The following SH3D19 variants were observed in gnomAD, a reference collection of about 807,000 sequenced individuals.
SH3D19 encodes the protein SH3 domain containing 19.
In SH3D19, 58 loss-of-function variants were observed where a neutral mutation model predicts 112.1. That is an observed-to-expected ratio of 0.52 (90% CI 0.42 to 0.64). The LOEUF (loss-of-function observed/expected upper bound fraction) is 0.64. SH3D19 is among the 30% of genes least tolerant of loss of function. SH3D19 has a pLI of 0.00. For synonymous variants in SH3D19, 391 were observed against 448.5 expected, an observed-to-expected ratio of 0.87 and a Z score of 1.62; for missense variants, 1,090 against 1,263.4, an observed-to-expected ratio of 0.86 and a Z score of 2.08.
intron 1 of SH3D19, among the ~76,000 whole-genome samples, chr4:151,318,803 A>ACAGC: frequency 6.6e-6 from 1 of 152,348 alleles, no homozygotes; most frequent in South Asian, 2.1e-4. Flanking sequence ...CCAAGGTCAC[A>ACAGC]CAGCCAGTGG....
chr4:151,159,454 A>G, intron 8 of SH3D19, 102 bp from the exon 9 acceptor site: 1 of 692,262 alleles, frequency 1.4e-6, no homozygotes, highest in Non-Finnish European at 2.4e-6. Context: ...CTATCATAAA[A>G]GATACACACA....
chr4:151,167,119 G>A (rs1473437173), intron 7 of SH3D19, among the ~76,000 whole-genome samples: 1 of 151,282 alleles, frequency 6.6e-6, no homozygotes, highest in East Asian at 1.9e-4. Flanking sequence ...CAGTGAGTGA[G>A]GCTAGTCTTA....
At chr4:151,275,866 G>A (rs1258844283) in intron 1 of SH3D19, among the ~76,000 whole-genome samples, 2 of 132,976 alleles carry the variant, frequency 1.5e-5, no homozygotes, top group African/African-American at 5.3e-5. Flanking sequence ...TTTTTTAGAC[G>A]GAGTCTCGCT....
At chr4:151,179,318 G>C in intron 4 of SH3D19, 37 bp downstream of exon 4, 1 of 1,134,892 alleles carries the variant, frequency 8.8e-7, no homozygotes, top group Non-Finnish European at 1.1e-6. Context: ...TCAATTATTA[G>C]TCTAATATAT....
intron 1 of SH3D19, among the ~76,000 whole-genome samples, chr4:151,232,264 C>A (rs1769670821): frequency 6.6e-6 from 1 of 152,218 alleles, no homozygotes; most frequent in South Asian, 2.1e-4. Context: ...TTTTTACCCT[C>A]ATTTTAGGTT....
chr4:151,297,589 T>C (rs1197895980), intron 1 of SH3D19, among the ~76,000 whole-genome samples: 3 of 152,094 alleles, frequency 2.0e-5, no homozygotes, highest in Non-Finnish European at 4.4e-5. Flanking sequence ...TGGATGTAGA[T>C]GGTAGAAGGA....
chr4:151,233,361 C>T (rs1414397003), intron 1 of SH3D19, among the ~76,000 whole-genome samples: 1 of 152,114 alleles, frequency 6.6e-6, no homozygotes, highest in African/African-American at 2.4e-5. Context: ...TGAGACCAGC[C>T]CCTGGTGCCA....
chr4:151,229,871 C>T (rs1365384845), intron 1 of SH3D19, among the ~76,000 whole-genome samples: 1 of 152,124 alleles, frequency 6.6e-6, no homozygotes, highest in Non-Finnish European at 1.5e-5. Flanking sequence ...GCCAAAATCA[C>T]GCCACTGCAT....
intron 2 of SH3D19, among the ~76,000 whole-genome samples, chr4:151,195,642 T>C (rs1478143771): frequency 6.6e-6 from 1 of 151,572 alleles, no homozygotes; most frequent in African/African-American, 2.4e-5. Flanking sequence ...ATCAGAGAGG[T>C]GTTTTTACAT....
chr4:151,214,564 G>C (rs1248092147), intron 2 of SH3D19, among the ~76,000 whole-genome samples: 6 of 143,858 alleles, frequency 4.2e-5, no homozygotes, highest in African/African-American at 1.3e-4. Context: ...CCTCCCGGAC[G>C]GGGAGGCTGG....
intron 2 of SH3D19, among the ~76,000 whole-genome samples, chr4:151,222,667 C>A (rs1428241978): frequency 1.1e-5 from 1 of 87,250 alleles, no homozygotes; most frequent in African/African-American, 4.5e-5. Context: ...CTCTCTCTCT[C>A]TTTTTTTTTT....
intron 16 of SH3D19, 69 bp downstream of exon 16, chr4:151,132,965 A>G: frequency 1.6e-6 from 2 of 1,256,806 alleles, no homozygotes; most frequent in South Asian, 2.8e-5. Flanking sequence ...ATACAGCTTA[A>G]GTATAATGAT....
At position 151,128,347 on chromosome 4, in the gene SH3D19, G is replaced by C; in HGVS notation, c.2752C>G (p.Leu918Val). ...AGAGCTTCACACCATTCTGCCGGAAGACTGTTAACCTGTTATCAAATTAGA... is the reference window on the plus strand; with the variant it reads ...AGAGCTTCACACCATTCTGCCGGAACACTGTTAACCTGTTATCAAATTAGA... Reference protein sequence around the residue: ...DSGSNSQVNSLPAEWCEALHS... With the variant: ...DSGSNSQVNSVPAEWCEALHS... The change falls in exon 18 of 20, where the codon CTT becomes GTT. Residue 918 changes from leucine (L) to valine (V), a missense_variant. Leu to Val is a conservative substitution (Grantham distance 32, BLOSUM62 1). Coordinates refer to ENST00000604030, the MANE Select transcript of SH3D19 (RefSeq NM_001378122.1). The C allele has an allele frequency of 6.2e-7, 1 of 1,613,194 alleles. No homozygotes were observed. The highest frequency in any genetic ancestry group is 8.5e-7 in the Non-Finnish European group (1 of 1,179,594).
chr4:151,183,691 G>T (rs1761298063), intron 3 of SH3D19, among the ~76,000 whole-genome samples: 1 of 152,184 alleles, frequency 6.6e-6, no homozygotes, highest in South Asian at 2.1e-4. Context: ...CCTTGCTATA[G>T]AACTATGAAT....
chr4:151,322,390 G>A (rs1254041530), intron 1 of SH3D19, among the ~76,000 whole-genome samples: 2 of 129,138 alleles, frequency 1.5e-5, no homozygotes, highest in African/African-American at 3.0e-5. Context: ...CCATGACCAC[G>A]CCACTAGACT....
chr4:151,315,969 T>A (rs902055338), intron 1 of SH3D19, among the ~76,000 whole-genome samples: 2 of 152,094 alleles, frequency 1.3e-5, no homozygotes, highest in Admixed American at 6.5e-5. Context: ...TTTAAAAAAA[T>A]TTCTTTTGAA....
chr4:151,269,246 A>G (rs533900534), intron 1 of SH3D19, among the ~76,000 whole-genome samples: 4 of 152,124 alleles, frequency 2.6e-5, no homozygotes, highest in Admixed American at 6.5e-5. Flanking sequence ...CTTCTTTTGA[A>G]AAGTGTCTGT....
intron 17 of SH3D19, among the ~76,000 whole-genome samples, chr4:151,129,881 A>G (rs977053333): frequency 3.3e-5 from 5 of 152,226 alleles, no homozygotes; most frequent in Admixed American, 2.6e-4. Flanking sequence ...TTATAAAACA[A>G]AAACAAAAAG....
chr4:151,161,309 C>T (rs1264310537), intron 8 of SH3D19, among the ~76,000 whole-genome samples: 1 of 152,112 alleles, frequency 6.6e-6, no homozygotes, highest in Non-Finnish European at 1.5e-5. Context: ...ATTTGCACCA[C>T]GAAGCTATCC....
Sources: allele counts gnomAD v4.1 joint callset (sites outside exome capture counted in the v4.1 genomes callset), GRCh38; gene constraint gnomAD v4.1.1; transcripts MANE v1.5; gene names NCBI Gene and HGNC (gene_info 2026-07-23, HGNC 2026-07-21).